The following CHLSN variants were observed in gnomAD, a reference collection of about 807,000 sequenced individuals.
CHLSN encodes protein cholesin.
chr7:1,116,042 AC>A, the CHLSN span, among the ~76,000 whole-genome samples: 8 of 112,406 alleles, frequency 7.1e-5, no homozygotes, highest in South Asian at 3.4e-4. Flanking sequence ...CTACAGCTCT[AC>A]GGACCCGCTT....
the CHLSN span, among the ~76,000 whole-genome samples, chr7:1,108,983 C>T: frequency 6.7e-6 from 1 of 150,182 alleles, no homozygotes. Context: ...TGCAACTCTG[C>T]TTCCCAGGTT....
At chr7:1,115,387 G>C in the CHLSN span, among the ~76,000 whole-genome samples, 1 of 152,230 alleles carries the variant, frequency 6.6e-6, no homozygotes, top group African/African-American at 2.4e-5. Context: ...GGGGATGTTT[G>C]CTATTTAACA....
At chr7:1,005,116 C>G in the CHLSN span, among the ~76,000 whole-genome samples, 1 of 152,176 alleles carries the variant, frequency 6.6e-6, no homozygotes, top group Admixed American at 6.5e-5. Flanking sequence ...ACGGTGAAAC[C>G]CTGTCTCTAC....
At chr7:1,072,974 A>C in the CHLSN span, among the ~76,000 whole-genome samples, 1 of 152,222 alleles carries the variant, frequency 6.6e-6, no homozygotes, top group Admixed American at 6.5e-5. Flanking sequence ...CAGGACTGAC[A>C]GAGCCTTCAA....
chr7:1,136,528 AAACATATATATG>A, the CHLSN span, among the ~76,000 whole-genome samples: 1 of 134,102 alleles, frequency 7.5e-6, no homozygotes, highest in Admixed American at 8.2e-5. Flanking sequence ...AAATATATAT[AAACATATATATG>A]AACATATATA....
the CHLSN span, among the ~76,000 whole-genome samples, chr7:1,098,232 C>T: frequency 6.6e-6 from 1 of 152,156 alleles, no homozygotes; most frequent in South Asian, 2.1e-4. Flanking sequence ...GGTGGGTGCA[C>T]AGCAAATGCA....
At chr7:1,102,469 C>T in the CHLSN span, among the ~76,000 whole-genome samples, 3 of 152,244 alleles carry the variant, frequency 2.0e-5, no homozygotes, top group African/African-American at 2.4e-5. Context: ...GCCACGCTGG[C>T]GTTCAACACC....
chr7:1,024,330 G>A, the CHLSN span, among the ~76,000 whole-genome samples: 1 of 152,188 alleles, frequency 6.6e-6, no homozygotes, highest in African/African-American at 2.4e-5. Flanking sequence ...GGGCCCCACA[G>A]AGCCCTGCCC....
the CHLSN span, among the ~76,000 whole-genome samples, chr7:991,641 G>A: frequency 6.6e-6 from 1 of 152,246 alleles, no homozygotes; most frequent in East Asian, 1.9e-4. Flanking sequence ...GCTTGGCACG[G>A]ATGGGACAGG....
the CHLSN span, among the ~76,000 whole-genome samples, chr7:980,071 C>T: frequency 6.6e-6 from 1 of 152,212 alleles, no homozygotes; most frequent in Non-Finnish European, 1.5e-5. Flanking sequence ...GGGAGAAGCG[C>T]AGTGTTACGT....
At chr7:1,016,516 CAGCAGCACACACCAGCACAA>C in the CHLSN span, among the ~76,000 whole-genome samples, 1 of 148,988 alleles carries the variant, frequency 6.7e-6, no homozygotes, top group Non-Finnish European at 1.5e-5. Flanking sequence ...CAGCAGCGCA[CAGCAGCACACACCAGCACAA>C]AGCAGCGCAC....
chr7:1,021,369 A>G, the CHLSN span: 1 of 985,410 alleles, frequency 1.0e-6, no homozygotes, highest in South Asian at 4.7e-5. Context: ...ACCTTGACAG[A>G]GATGATATTG....
chr7:1,057,509 G>A, the CHLSN span: 61 of 761,942 alleles, frequency 8.0e-5, no homozygotes, highest in Middle Eastern at 2.4e-4. Flanking sequence ...GAGCCTCGCC[G>A]GCCGCCATGT....
At chr7:978,529 G>A in the CHLSN span, among the ~76,000 whole-genome samples, 1 of 152,122 alleles carries the variant, frequency 6.6e-6, no homozygotes, top group East Asian at 1.9e-4. Context: ...CAAGAAAAAA[G>A]GAAAAGCTCA....
At chr7:1,093,420 C>G in the CHLSN span, 112 of 461,442 alleles carry the variant, frequency 2.4e-4, no homozygotes, top group Non-Finnish European at 2.8e-4. Flanking sequence ...CTCTGGTGCA[C>G]GCCTGAGCGT....
At chr7:1,049,262 C>T in the CHLSN span, among the ~76,000 whole-genome samples, 7 of 152,250 alleles carry the variant, frequency 4.6e-5, no homozygotes, top group Non-Finnish European at 7.3e-5. Flanking sequence ...AGAACAGCTT[C>T]CTCTGCCCTT....
the CHLSN span, among the ~76,000 whole-genome samples, chr7:1,120,411 C>A: frequency 6.6e-6 from 1 of 152,128 alleles, no homozygotes; most frequent in Admixed American, 6.5e-5. Flanking sequence ...CCCATCTTCG[C>A]CTCCCTAGCA....
At chr7:1,095,490 C>T in the CHLSN span, among the ~76,000 whole-genome samples, 2 of 152,244 alleles carry the variant, frequency 1.3e-5, no homozygotes, top group Admixed American at 6.5e-5. Context: ...AGGCACCCAA[C>T]TACCTGTCAG....
the CHLSN span, chr7:1,057,657 C>A: frequency 1.3e-6 from 1 of 771,212 alleles, no homozygotes; most frequent in Admixed American, 1.7e-5. Flanking sequence ...CAACGCCCTG[C>A]TGGTGCTGGC....
Sources: allele counts gnomAD v4.1 joint callset (sites outside exome capture counted in the v4.1 genomes callset), GRCh38; gene constraint gnomAD v4.1.1; transcripts MANE v1.5; gene names NCBI Gene and HGNC (gene_info 2026-07-23, HGNC 2026-07-21).